The following GPHN variants were observed in gnomAD, a reference collection of about 807,000 sequenced individuals.
GPHN encodes the protein gephyrin.
In GPHN, 17 loss-of-function variants were observed where a neutral mutation model predicts 95.5. The observed-to-expected ratio is 0.18, with a 90% CI of 0.12 to 0.27. GPHN has a LOEUF of 0.27. Ranked by LOEUF, GPHN falls within the 10% of genes least tolerant of loss-of-function variation. GPHN has a pLI of 1.00. For synonymous variants in GPHN, 320 were observed against 322.5 expected, an observed-to-expected ratio of 0.99 and a Z score of 0.08; for missense variants, 660 against 978.1, an observed-to-expected ratio of 0.67 and a Z score of 4.34.
chr14:67,221,588 T>C, the GPHN span, among the ~76,000 whole-genome samples: 2 of 152,194 alleles, frequency 1.3e-5, no homozygotes, highest in South Asian at 4.1e-4. Flanking sequence ...ATAGTCCACA[T>C]GTTGCAGAAA....
chr14:67,363,788 A>G, the GPHN span, among the ~76,000 whole-genome samples: 1 of 152,244 alleles, frequency 6.6e-6, no homozygotes, highest in Non-Finnish European at 1.5e-5. Flanking sequence ...AAGTTATTAT[A>G]TGAATTTTCA....
At chr14:66,781,305 C>T (rs1262297453) in intron 3 of GPHN, among the ~76,000 whole-genome samples, 2 of 151,958 alleles carry the variant, frequency 1.3e-5, no homozygotes, top group Non-Finnish European at 2.9e-5. Context: ...CAACCTCTAC[C>T]TCCCCGGTTC....
At chr14:67,476,074 C>A in the GPHN span, among the ~76,000 whole-genome samples, 1 of 152,204 alleles carries the variant, frequency 6.6e-6, no homozygotes, top group African/African-American at 2.4e-5. Flanking sequence ...CCAGCTCTGC[C>A]AGCTGCTAAT....
the GPHN span, among the ~76,000 whole-genome samples, chr14:67,459,809 G>T: frequency 6.6e-6 from 1 of 152,204 alleles, no homozygotes; most frequent in Non-Finnish European, 1.5e-5. Flanking sequence ...ATCTCCCAGG[G>T]CTGCCAGCCA....
intron 11 of GPHN, among the ~76,000 whole-genome samples, chr14:67,071,656 T>TA (rs976822170): frequency 7.9e-5 from 12 of 151,296 alleles, no homozygotes; most frequent in Middle Eastern, 3.4e-3. Flanking sequence ...AATTTAAATT[T>TA]AAAAAAAAAT....
At chr14:66,689,425 C>T (rs2067623887) in intron 2 of GPHN, among the ~76,000 whole-genome samples, 1 of 152,110 alleles carries the variant, frequency 6.6e-6, no homozygotes, top group Admixed American at 6.5e-5. Context: ...GGTGAATTAT[C>T]TTTTTAATAT....
the GPHN span, among the ~76,000 whole-genome samples, chr14:67,509,921 G>A: frequency 6.6e-6 from 1 of 152,166 alleles, no homozygotes; most frequent in Non-Finnish European, 1.5e-5. Flanking sequence ...GAGGCAGGAG[G>A]ATCACTTGAA....
In GPHN at chr14:67,064,847, G is replaced by T. The variant is rs112669405; in HGVS notation, c.1144+6061G>T. On this transcript the variant is annotated intron_variant, in intron 11 of 22. Coordinates refer to ENST00000478722, the MANE Select transcript of GPHN (RefSeq NM_020806.5). ...CTTTTCTTCTTTATTAGTCATGCTA[G>T]CGGTCTATCAATTTTGTCGATCCTT... Among the ~76,000 whole-genome samples, 537 of 152,176 alleles carry T rather than the reference G, an allele frequency of 3.5e-3. 8 individuals are homozygous for T. Among genetic ancestry groups the T allele is most frequent in the African/African-American group, 0.012 (501 of 41,486 alleles).
chr14:67,434,491 G>C, the GPHN span, among the ~76,000 whole-genome samples: 13 of 152,192 alleles, frequency 8.5e-5, no homozygotes, highest in African/African-American at 2.9e-4. Context: ...GGGGCTGAAG[G>C]ACTGTCTATA....
intron 4 of GPHN, among the ~76,000 whole-genome samples, chr14:66,828,937 C>T (rs1185469035): frequency 6.7e-6 from 1 of 149,850 alleles, no homozygotes; most frequent in Non-Finnish European, 1.5e-5. Context: ...TCATCTGATA[C>T]TTGCATGCCT....
intron 1 of GPHN, among the ~76,000 whole-genome samples, chr14:66,569,577 C>T (rs1013346034): frequency 6.6e-6 from 1 of 151,800 alleles, no homozygotes; most frequent in Non-Finnish European, 1.5e-5. Flanking sequence ...GCAAGAGAAT[C>T]GCTTGAACCT....
chr14:67,057,310 A>C (rs2075626270), intron 10 of GPHN, among the ~76,000 whole-genome samples: 1 of 151,846 alleles, frequency 6.6e-6, no homozygotes, highest in African/African-American at 2.4e-5. Context: ...GGGAGCTGGA[A>C]GCCATTATCC....
At chr14:67,330,088 C>T in the GPHN span, among the ~76,000 whole-genome samples, 4 of 150,254 alleles carry the variant, frequency 2.7e-5, no homozygotes, top group African/African-American at 7.3e-5. Context: ...GACAAATGCT[C>T]TGCTGTCTGT....
chr14:67,016,779 A>G (rs1216602882), intron 9 of GPHN, among the ~76,000 whole-genome samples: 3 of 152,106 alleles, frequency 2.0e-5, no homozygotes, highest in Non-Finnish European at 2.9e-5. Context: ...GAAGTTGGCA[A>G]TTCATCTATT....
At chr14:66,849,235 C>A (rs1189181940) in intron 4 of GPHN, among the ~76,000 whole-genome samples, 2 of 151,868 alleles carry the variant, frequency 1.3e-5, no homozygotes, top group African/African-American at 2.4e-5. Flanking sequence ...CATTTAATAA[C>A]TGTTCTACAA....
the GPHN span, among the ~76,000 whole-genome samples, chr14:67,326,220 G>GCTTTTTTTTT: frequency 3.3e-5 from 1 of 30,344 alleles, no homozygotes; most frequent in Admixed American, 4.3e-4. Flanking sequence ...ATTTAGGTCT[G>GCTTTTTTTTT]ATTTTTTTTT....
the GPHN span, chr14:67,203,102 A>C: frequency 1.2e-6 from 2 of 1,612,806 alleles, no homozygotes; most frequent in East Asian, 2.2e-5. Context: ...AGGTCAACAG[A>C]AGAGGTGAAT....
chr14:67,085,856 T>A (rs2076863688), intron 11 of GPHN, among the ~76,000 whole-genome samples: 2 of 152,200 alleles, frequency 1.3e-5, no homozygotes, highest in South Asian at 4.1e-4. Flanking sequence ...CATTAAACAC[T>A]AACTCTTCTT....
intron 1 of GPHN, among the ~76,000 whole-genome samples, chr14:66,571,913 T>C (rs1458290681): frequency 6.6e-6 from 1 of 152,238 alleles, no homozygotes; most frequent in Non-Finnish European, 1.5e-5. Flanking sequence ...TCAGGTTGTA[T>C]ATTTGAGTCC....
Sources: gnomAD v4.1 joint callset for allele counts (sites outside exome capture counted in the v4.1 genomes callset) on GRCh38, gnomAD v4.1.1 for gene constraint, MANE v1.5 for transcripts, NCBI Gene and HGNC (gene_info 2026-07-23, HGNC 2026-07-21) for gene names.